MOBP: variants seen among roughly 807,000 people sequenced by gnomAD.
MOBP encodes myelin-associated oligodendrocyte basic protein.
In MOBP, 5 loss-of-function variants were observed where a neutral mutation model predicts 15.0. The observed-to-expected ratio is 0.33, with a 90% CI of 0.17 to 0.70. The LOEUF (loss-of-function observed/expected upper bound fraction) is 0.70. Ranked by LOEUF, MOBP falls within the 30% of genes least tolerant of loss-of-function variation. The pLI is 0.67. For missense variants in MOBP, 188 were observed against 257.8 expected, an observed-to-expected ratio of 0.73 and a Z score of 1.85; for synonymous variants, 88 against 99.0, an observed-to-expected ratio of 0.89 and a Z score of 0.66.
downstream of MOBP, chr3:39,529,068 C>T (rs1350554686): frequency 6.6e-6 from 1 of 152,286 alleles, no homozygotes; most frequent in East Asian, 1.9e-4. Flanking sequence ...CTCACTATGA[C>T]TCACTATAAG....
At chr3:39,522,785 C>T (rs908025075) in intron 3 of MOBP, among the ~76,000 whole-genome samples, 5 of 152,174 alleles carry the variant, frequency 3.3e-5, no homozygotes, top group African/African-American at 9.7e-5. Flanking sequence ...GTTGCTGACC[C>T]CTGTCCTAAA....
chr3:39,498,519 T>G (rs1575307765), intron 2 of MOBP, among the ~76,000 whole-genome samples: 1 of 152,052 alleles, frequency 6.6e-6, no homozygotes, highest in African/African-American at 2.4e-5. Flanking sequence ...CTCAGCTAAT[T>G]TTTGTATTTT....
chr3:39,472,032 A>C (rs949326308), intron 1 of MOBP, among the ~76,000 whole-genome samples: 23 of 152,232 alleles, frequency 1.5e-4, no homozygotes, highest in Non-Finnish European at 5.9e-5. Context: ...CACCAAGGTT[A>C]ACTTCAAGTC....
chr3:39,469,169 C>A lies in MOBP; in HGVS notation c.-89+1429C>A, dbSNP rs1197240020. Among the ~76,000 whole-genome samples, 2 of 75,884 alleles carry A rather than the reference C, an allele frequency of 2.6e-5. 1 individual carries two copies. The highest frequency in any genetic ancestry group is 8.4e-4 in the South Asian group (2 of 2,380). 49.8% of individuals were successfully genotyped at this position (75,884 alleles called of 152,430 possible). On this transcript the variant is annotated intron_variant, in intron 1 of 3. Coordinates refer to ENST00000684792, the MANE Select transcript of MOBP (RefSeq NM_001393704.1). The stretch of plus-strand genomic sequence containing the variant: ...ATATATACATATGTGTGTGTGTATA[C>A]ATATATACATGTGTGTGTGTGTATA...
chr3:39,474,698 T>C (rs2042520425), intron 1 of MOBP, among the ~76,000 whole-genome samples: 2 of 152,196 alleles, frequency 1.3e-5, no homozygotes, highest in South Asian at 4.1e-4. Context: ...GTATAGTATG[T>C]CTGTTTATGT....
rs149035991 is a variant in MOBP at position 39,486,895 on chromosome 3, A to G, written c.-5+6772A>G. The stretch of plus-strand genomic sequence containing the variant: ...TTCTCCCAGTGTTCCTTAACTTTTG[A>G]CTATGTTTATTGTGTCTTTTGATGT... On this transcript the variant is annotated intron_variant, in intron 2 of 3. Transcript: ENST00000684792. 2.9e-3 allele frequency among the ~76,000 whole-genome samples: 418 copies of G among 145,666 alleles called. 2 individuals are homozygous for G. Among genetic ancestry groups the G allele is most frequent in the African/African-American group, 9.9e-3 (396 of 39,808 alleles).
chr3:39,469,379 GAATT>G (rs1257466012), intron 1 of MOBP, among the ~76,000 whole-genome samples: 2 of 89,790 alleles, frequency 2.2e-5, no homozygotes, highest in Non-Finnish European at 4.4e-5. Context: ...ATTTTAATTG[GAATT>G]AATTAAAATT....
chr3:39,513,478 C>T (rs2043148368), exon 5 of MOBP: 2 of 1,535,438 alleles, frequency 1.3e-6, no homozygotes, highest in Non-Finnish European at 1.8e-6. Context: ...CATTGCTTCA[C>T]AACCCATCTA....
intron 3 of MOBP, among the ~76,000 whole-genome samples, chr3:39,521,502 T>G (rs2043266375): frequency 6.6e-6 from 1 of 152,224 alleles, no homozygotes. Flanking sequence ...TTAATGCTTT[T>G]TCTTTTGGAG....
chr3:39,498,572 A>G (rs1174867885), intron 2 of MOBP, among the ~76,000 whole-genome samples: 2 of 152,038 alleles, frequency 1.3e-5, no homozygotes, highest in African/African-American at 4.8e-5. Flanking sequence ...GATGGTCTCA[A>G]TCTCCTGACC....
At chr3:39,509,727 T>A (rs1244877424) in intron 4 of MOBP, among the ~76,000 whole-genome samples, 2 of 152,180 alleles carry the variant, frequency 1.3e-5, no homozygotes, top group East Asian at 1.9e-4. Context: ...TATCAAATTT[T>A]ACTATCACAC....
In MOBP at chr3:39,522,750, C is replaced by T. The variant is rs111741653; in HGVS notation, c.*259-1493C>T. On this transcript the variant is annotated intron_variant and NMD_transcript_variant, in intron 3 of 4. Transcript: ENST00000424090. ...AGTATCAACTTTTACACAAAAGGTT[C>T]CGTATACTGTAAGATTTGCAGTAAG... 4.8e-3 allele frequency among the ~76,000 whole-genome samples: 737 copies of T among 152,302 alleles called. 1 individual carries two copies. The highest frequency in any genetic ancestry group is 8.1e-3 in the Non-Finnish European group (548 of 68,018).
At chr3:39,471,607 C>T (rs1315508067) in intron 1 of MOBP, among the ~76,000 whole-genome samples, 1 of 152,152 alleles carries the variant, frequency 6.6e-6, no homozygotes, top group African/African-American at 2.4e-5. Context: ...CTCTGTCAAC[C>T]CCAAGTCTGG....
At chr3:39,516,622 TCTTTGAAATGAC>T (rs563690497), downstream of MOBP, among the ~76,000 whole-genome samples, 5 of 152,306 alleles carry the variant, frequency 3.3e-5, no homozygotes, top group East Asian at 9.6e-4. Flanking sequence ...TCAACTCACA[TCTTTGAAATGAC>T]CTATATAATT....
chr3:39,469,582 C>T (rs1002646431), intron 1 of MOBP, among the ~76,000 whole-genome samples: 1 of 152,094 alleles, frequency 6.6e-6, no homozygotes, highest in African/African-American at 2.4e-5. Context: ...TCTGGAACCA[C>T]ACCTGAGGCA....
At chr3:39,513,745 TC>T in exon 5 of MOBP, 3 of 321,504 alleles carry the variant, frequency 9.3e-6, no homozygotes, top group Non-Finnish European at 1.7e-5. Context: ...GCCTCCAGGG[TC>T]TTTCATGGCT....
chr3:39,508,273 A>G (rs1287354727), intron 4 of MOBP, among the ~76,000 whole-genome samples: 1 of 152,246 alleles, frequency 6.6e-6, no homozygotes, highest in Non-Finnish European at 1.5e-5. Flanking sequence ...AGTATAATTT[A>G]CATGTGGTAA....
downstream of MOBP, among the ~76,000 whole-genome samples, chr3:39,519,898 C>T (rs661422): frequency 0.065 from 9,917 of 151,514 alleles, 458 homozygotes; most frequent in East Asian, 0.19. Flanking sequence ...TTCTCTTCTT[C>T]TAACTCCTAT....
chr3:39,494,655 A>T (rs2042849322), intron 2 of MOBP, among the ~76,000 whole-genome samples: 1 of 152,024 alleles, frequency 6.6e-6, no homozygotes, highest in Admixed American at 6.6e-5. Flanking sequence ...TGTCTAAAAA[A>T]CTCAGCAGGA....
Sources: allele counts gnomAD v4.1 joint callset (sites outside exome capture counted in the v4.1 genomes callset), GRCh38; gene constraint gnomAD v4.1.1; transcripts MANE v1.5; gene names NCBI Gene and HGNC (gene_info 2026-07-23, HGNC 2026-07-21).